CNTN1: variants seen among roughly 807,000 people sequenced by gnomAD.
CNTN1 encodes the protein contactin-1.
A neutral mutation model predicts 126.4 loss-of-function variants in CNTN1; 38 were observed. The ratio of observed to expected loss-of-function variants is 0.30; its 90% confidence interval spans 0.23 to 0.39. The LOEUF (loss-of-function observed/expected upper bound fraction) is 0.39. Ranked by LOEUF, CNTN1 falls within the 10% of genes least tolerant of loss-of-function variation. CNTN1 has a pLI of 1.00. For synonymous variants in CNTN1, 413 were observed against 422.6 expected (o/e 0.98, Z 0.28); for missense variants, 1,009 against 1,248.4 (o/e 0.81, Z 2.89).
chr12:40,841,465 C>T (rs1333639728), intron 1 of CNTN1, among the ~76,000 whole-genome samples: 1 of 151,976 alleles, frequency 6.6e-6, no homozygotes, highest in African/African-American at 2.4e-5. Context: ...CAAAACCAGA[C>T]AAGAACACAA....
chr12:40,778,785 C>A (rs10879171), intron 1 of CNTN1, among the ~76,000 whole-genome samples: 1 of 151,426 alleles, frequency 6.6e-6, no homozygotes, highest in Non-Finnish European at 1.5e-5. Flanking sequence ...TGGCTCTCAA[C>A]GACTGATTGT....
chr12:40,976,755 A>G (rs1232368418), intron 15 of CNTN1, among the ~76,000 whole-genome samples: 1 of 152,148 alleles, frequency 6.6e-6, no homozygotes, highest in Admixed American at 6.5e-5. Flanking sequence ...ACACTGCTTG[A>G]AAACCTTCCT....
intron 1 of CNTN1, among the ~76,000 whole-genome samples, chr12:40,741,422 T>C (rs1937939474): frequency 6.6e-6 from 1 of 152,040 alleles, no homozygotes; most frequent in Non-Finnish European, 1.5e-5. Context: ...TCCCTTTTTC[T>C]TCCTATATAT....
chr12:40,823,266 A>T (rs1044974575), intron 1 of CNTN1, among the ~76,000 whole-genome samples: 1 of 152,202 alleles, frequency 6.6e-6, no homozygotes, highest in South Asian at 2.1e-4. Flanking sequence ...AAGGAAAAAA[A>T]TTTGAGAAAA....
intron 4 of CNTN1, among the ~76,000 whole-genome samples, chr12:40,920,116 A>C (rs1405525965): frequency 1.2e-4 from 18 of 152,164 alleles, no homozygotes; most frequent in African/African-American, 4.3e-4. Context: ...ATCTATCTGG[A>C]TAGATTGATA....
chr12:40,929,336 G>A (rs1274664100), intron 6 of CNTN1, among the ~76,000 whole-genome samples: 2 of 148,682 alleles, frequency 1.3e-5, no homozygotes, highest in Non-Finnish European at 3.0e-5. Context: ...TAAAATAGGT[G>A]CACACACACA....
chr12:40,996,056 G>C (rs577706004), intron 17 of CNTN1, among the ~76,000 whole-genome samples: 1 of 152,008 alleles, frequency 6.6e-6, no homozygotes, highest in African/African-American at 2.4e-5. Flanking sequence ...TTGTGGCTCC[G>C]GGCCACTGAT....
Position 40,721,706 on chromosome 12 carries a change from C to T in CNTN1, c.-77+29114C>T, listed in dbSNP as rs181671397. Among the ~76,000 whole-genome samples, 342 of 117,830 alleles carry T rather than the reference C, an allele frequency of 2.9e-3. 8 individuals are homozygous for T. The highest frequency in any genetic ancestry group is 0.018 in the East Asian group (59 of 3,256). The allele number at this position is 117,830 out of a possible 152,430, so 77.3% of individuals were successfully genotyped here. A position where few individuals can be genotyped will look rare whatever the true frequency, so the allele number is the denominator to read the frequency against. ...CCTAATGCTATCCCTCCCCCCTCCC[C>T]CCACCCCACAACAGTCCCCAGAGTG... is the stretch of plus-strand genomic sequence containing the variant. On this transcript the variant is annotated intron_variant, in intron 1 of 23. Coordinates refer to ENST00000551295, the MANE Select transcript of CNTN1 (RefSeq NM_001843.4).
chr12:40,830,989 A>C (rs1941812679), intron 1 of CNTN1, among the ~76,000 whole-genome samples: 1 of 141,508 alleles, frequency 7.1e-6, no homozygotes, highest in Non-Finnish European at 1.5e-5. Context: ...ACTATATATG[A>C]AACATATATA....
intron 1 of CNTN1, among the ~76,000 whole-genome samples, chr12:40,727,596 T>C (rs1942391329): frequency 6.6e-6 from 1 of 152,174 alleles, no homozygotes; most frequent in South Asian, 2.1e-4. Flanking sequence ...ATACTAAACT[T>C]GTAACTTATT....
intron 1 of CNTN1, among the ~76,000 whole-genome samples, chr12:40,718,995 G>T (rs991899889): frequency 6.6e-6 from 1 of 152,030 alleles, no homozygotes; most frequent in African/African-American, 2.4e-5. Flanking sequence ...TGGATGTTTG[G>T]AGGGGTTGAT....
intron 7 of CNTN1, among the ~76,000 whole-genome samples, chr12:40,932,741 C>G (rs1309517400): frequency 6.6e-6 from 1 of 151,966 alleles, no homozygotes; most frequent in Non-Finnish European, 1.5e-5. Context: ...TCATCAGTCA[C>G]TCTTTCAAAG....
Position 40,786,668 on chromosome 12 carries a change from A to G in CNTN1, c.-77+94076A>G, listed in dbSNP as rs1448506892. Among the ~76,000 whole-genome samples the G allele has an allele frequency of 2.6e-5, 4 of 152,286 alleles. No individual in the cohort carries two copies. In the South Asian group the frequency reaches 8.3e-4, roughly 32 times the overall value. On this transcript the variant is annotated intron_variant, in intron 1 of 23. Transcript: ENST00000551295. ...TTAAAAGAAAATTATGCCTAAACAC[A>G]TAAAAATAAAATGCAGGACGTCAAC...
At chr12:40,754,215 A>C (rs948714008) in intron 1 of CNTN1, among the ~76,000 whole-genome samples, 1 of 152,122 alleles carries the variant, frequency 6.6e-6, no homozygotes, top group Non-Finnish European at 1.5e-5. Flanking sequence ...ACATTATTAT[A>C]TATTGGCAAG....
chr12:40,769,923 T>C (rs917767282), intron 1 of CNTN1, among the ~76,000 whole-genome samples: 1 of 152,036 alleles, frequency 6.6e-6, no homozygotes, highest in Admixed American at 6.6e-5. Flanking sequence ...TTATTAAAAA[T>C]AAAAAACGGG....
At chr12:40,942,968 A>G (rs1946307982) in intron 12 of CNTN1, among the ~76,000 whole-genome samples, 2 of 152,126 alleles carry the variant, frequency 1.3e-5, no homozygotes, top group African/African-American at 2.4e-5. Context: ...TATTTAAAGA[A>G]AGTAAAAAAT....
intron 5 of CNTN1, among the ~76,000 whole-genome samples, chr12:40,923,044 A>T (rs1197830197): frequency 7.3e-5 from 11 of 151,366 alleles, no homozygotes; most frequent in African/African-American, 2.7e-4. Flanking sequence ...ATCACCCCTA[A>T]GGGGGTGAAA....
chr12:40,707,487 C>T (rs1283998381), intron 1 of CNTN1, among the ~76,000 whole-genome samples: 1 of 152,008 alleles, frequency 6.6e-6, no homozygotes, highest in Non-Finnish European at 1.5e-5. Context: ...CTCCTGACCT[C>T]ATGATCTGCC....
chr12:41,016,725 T>G lies in CNTN1; in HGVS notation c.2228T>G (p.Ile743Arg). 3.7e-6 allele frequency: 6 copies of G among 1,614,146 alleles called. No homozygotes were observed. Among genetic ancestry groups the G allele is most frequent in the Non-Finnish European group, 5.1e-6 (6 of 1,179,994 alleles). Residue 743 changes from isoleucine (I) to arginine (R), a missense_variant, in exon 19 of 24, where the codon ATA (isoleucine) becomes AGA (arginine). Physicochemically the swap from Ile to Arg is moderately conservative, Grantham distance 97. Coordinates refer to ENST00000551295, the MANE Select transcript of CNTN1 (RefSeq NM_001843.4). ...CACTATGGCAACAATTTTGGTTACA[T>G]AGTGGCATTTAAGCCATTTGATGGA... ...EYHYGNNFGY[I>R]VAFKPFDGEE...
Sources: allele counts gnomAD v4.1 joint callset (sites outside exome capture counted in the v4.1 genomes callset), GRCh38; gene constraint gnomAD v4.1.1; transcripts MANE v1.5; gene names NCBI Gene and HGNC (gene_info 2026-07-23, HGNC 2026-07-21).